STK4: variants seen among roughly 807,000 people sequenced by gnomAD.
The protein encoded by STK4 is serine/threonine-protein kinase 4.
STK4 carries 30 observed loss-of-function variants against 64.9 expected under a neutral mutation model. That is an observed-to-expected ratio of 0.46 (90% CI 0.35 to 0.63). The LOEUF is 0.63. STK4 is among the 20% of genes least tolerant of loss of function. The probability of loss-of-function intolerance (pLI) is 0.01; values close to 1 mark genes in which losing one functional copy is unlikely to be tolerated. For synonymous variants in STK4, 177 were observed against 199.0 expected (o/e 0.89, Z 0.93); for missense variants, 466 against 598.5 (o/e 0.78, Z 2.31).
intron 4 of STK4, among the ~76,000 whole-genome samples, chr20:44,986,854 G>A (rs2145664640): frequency 6.6e-6 from 1 of 152,198 alleles, no homozygotes. Context: ...AGGGAGAGGG[G>A]TAAGGTGATA....
intron 6 of STK4, 51 bp from the exon 7 acceptor site, chr20:44,997,118 C>G: frequency 6.2e-7 from 1 of 1,605,812 alleles, no homozygotes; most frequent in Non-Finnish European, 8.5e-7. Context: ...TTTATTGGAG[C>G]ATTACTTTTA....
chr20:45,075,083 G>A lies in STK4; in HGVS notation c.1371G>A (p.Gln457=), dbSNP rs1223782743. The change falls in exon 11 of 11, where the codon CAG becomes CAA. Residue 457 remains glutamine, a synonymous_variant. Transcript: ENST00000372806. ...TGGCCCTGGACCCCATGATGGAGCAGGAGATTGAAGAGATCCGGCAGAAGT... is the reference window on the plus strand; with the variant it reads ...TGGCCCTGGACCCCATGATGGAGCAAGAGATTGAAGAGATCCGGCAGAAGT... The part of the protein sequence containing the change: ...RLLALDPMME[Q]EIEEIRQKYQ... 3.7e-6 allele frequency: 6 copies of A among 1,614,084 alleles called. No individual in the cohort carries two copies. The Admixed American group carries it at 8.3e-5, about 22-fold the overall frequency.
chr20:45,033,364 T>A (rs2068475949), intron 10 of STK4, among the ~76,000 whole-genome samples: 1 of 152,214 alleles, frequency 6.6e-6, no homozygotes, highest in African/African-American at 2.4e-5. Context: ...ATATCCAGAA[T>A]GGTGTTTTCT....
intron 4 of STK4, among the ~76,000 whole-genome samples, chr20:44,984,221 T>C (rs1306736615): frequency 1.6e-5 from 2 of 123,464 alleles, no homozygotes; most frequent in Non-Finnish European, 3.2e-5. Context: ...AGACAGAGTC[T>C]CCTTGCTCTG....
chr20:45,037,749 C>G (rs1403901943), intron 10 of STK4, among the ~76,000 whole-genome samples: 1 of 152,084 alleles, frequency 6.6e-6, no homozygotes, highest in Non-Finnish European at 1.5e-5. Flanking sequence ...GTTGAGATTT[C>G]TTTGGGTTTT....
intron 10 of STK4, among the ~76,000 whole-genome samples, chr20:45,043,263 A>G (rs2068642242): frequency 6.6e-6 from 1 of 152,210 alleles, no homozygotes; most frequent in Admixed American, 6.5e-5. Context: ...ATTGATGAAC[A>G]TTTAGGTTGT....
At chr20:45,059,471 A>C (rs542466202) in intron 10 of STK4, among the ~76,000 whole-genome samples, 1 of 152,166 alleles carries the variant, frequency 6.6e-6, no homozygotes, top group African/African-American at 2.4e-5. Flanking sequence ...GCAACAGTCC[A>C]TTTGATAACC....
intron 10 of STK4, among the ~76,000 whole-genome samples, chr20:45,071,869 G>A (rs779721885): frequency 1.3e-5 from 2 of 151,958 alleles, no homozygotes; most frequent in African/African-American, 4.8e-5. Flanking sequence ...GGGCTCAAGC[G>A]ATCCTCCCAT....
intron 1 of STK4, among the ~76,000 whole-genome samples, chr20:44,967,503 T>C (rs2067171581): frequency 6.6e-6 from 1 of 152,198 alleles, no homozygotes; most frequent in African/African-American, 2.4e-5. Context: ...GGATTTCCCT[T>C]GTGGACATCC....
chr20:45,044,332 AATT>A (rs1358247948), intron 10 of STK4, among the ~76,000 whole-genome samples: 1 of 152,094 alleles, frequency 6.6e-6, no homozygotes, highest in Non-Finnish European at 1.5e-5. Flanking sequence ...TGAATGATAA[AATT>A]ATTGAACCAG....
chr20:45,021,860 A>G (rs2145373325), intron 9 of STK4, among the ~76,000 whole-genome samples: 1 of 152,332 alleles, frequency 6.6e-6, no homozygotes, highest in South Asian at 2.1e-4. Flanking sequence ...ATAGTTATTA[A>G]TAACTGAGCA....
At chr20:45,061,245 A>G (rs1319225812) in intron 10 of STK4, among the ~76,000 whole-genome samples, 1 of 152,206 alleles carries the variant, frequency 6.6e-6, no homozygotes, top group Non-Finnish European at 1.5e-5. Flanking sequence ...CTACTTTAAG[A>G]ATTTTGTCCT....
chr20:45,057,640 T>G (rs567145262), intron 10 of STK4, among the ~76,000 whole-genome samples: 1 of 152,322 alleles, frequency 6.6e-6, no homozygotes, highest in African/African-American at 2.4e-5. Context: ...AGCACTTTCT[T>G]TGTTCAAGAT....
Position 44,988,533 on chromosome 20 carries a change from GTATA to G in STK4, c.525+1269_525+1272del, listed in dbSNP as rs71197589. ...TGTGTGTGTATATATATGTGTGTGT[GTATA>G]TATATATATATATATATATATATAT... On this transcript the variant is annotated intron_variant, in intron 5 of 10. Coordinates refer to ENST00000372806, the MANE Select transcript of STK4 (RefSeq NM_006282.5). Among the ~76,000 whole-genome samples, 306 of 101,572 alleles carry G rather than the reference GTATA, an allele frequency of 3.0e-3. 3 individuals carry two copies. Among genetic ancestry groups the G allele is most frequent in the South Asian group, 8.2e-3 (24 of 2,938 alleles). The allele number at this position is 101,572 out of a possible 152,430, so 66.6% of individuals were successfully genotyped here.
chr20:44,992,233 GT>G (rs930243790), intron 5 of STK4, among the ~76,000 whole-genome samples: 8 of 150,436 alleles, frequency 5.3e-5, no homozygotes, highest in Admixed American at 6.6e-5. Context: ...GTTAATCTAT[GT>G]TTTTTTTATT....
At chr20:45,057,634 C>A (rs1373639449) in intron 10 of STK4, among the ~76,000 whole-genome samples, 1 of 152,138 alleles carries the variant, frequency 6.6e-6, no homozygotes, top group Non-Finnish European at 1.5e-5. Flanking sequence ...ATTGGAAGCA[C>A]TTTCTTTGTT....
At chr20:45,063,143 A>G (rs1407154476) in intron 10 of STK4, among the ~76,000 whole-genome samples, 2 of 150,342 alleles carry the variant, frequency 1.3e-5, no homozygotes, top group East Asian at 3.9e-4. Context: ...AGCTGGGACT[A>G]CAGGGATGTG....
chr20:45,018,902 A>C (rs1327088113), intron 9 of STK4, among the ~76,000 whole-genome samples: 3 of 151,958 alleles, frequency 2.0e-5, no homozygotes, highest in East Asian at 1.9e-4. Context: ...TAATTTAAAA[A>C]AAAAATTTTT....
intron 9 of STK4, among the ~76,000 whole-genome samples, chr20:45,011,729 A>ATATATATATATATATATATAT (rs60170856): frequency 2.0e-4 from 23 of 115,384 alleles, no homozygotes; most frequent in African/African-American, 7.6e-4. Context: ...ATATATATAT[A>ATATATATATATATATATATAT]TTTTTTTTTT....
Sources: gnomAD v4.1 joint callset for allele counts (sites outside exome capture counted in the v4.1 genomes callset) on GRCh38, gnomAD v4.1.1 for gene constraint, MANE v1.5 for transcripts, NCBI Gene and HGNC (gene_info 2026-07-23, HGNC 2026-07-21) for gene names.